The following CD46 variants were observed in gnomAD, a reference collection of about 807,000 sequenced individuals.
CD46 encodes membrane cofactor protein.
In CD46, 30 loss-of-function variants were observed where a neutral mutation model predicts 53.3. The ratio of observed to expected loss-of-function variants is 0.56; its 90% CI spans 0.42 to 0.76. The LOEUF is 0.76. Ranked by LOEUF, CD46 falls within the 30% of genes least tolerant of loss-of-function variation. CD46 has a pLI of 0.00. For synonymous variants in CD46, 142 were observed against 152.0 expected, an observed-to-expected ratio of 0.93 and a Z score of 0.48; for missense variants, 409 against 463.0, an observed-to-expected ratio of 0.88 and a Z score of 1.07.
intron 4 of CD46, chr1:207,760,021 C>G (rs746587276): frequency 1.9e-5 from 5 of 268,580 alleles, no homozygotes; most frequent in Non-Finnish European, 3.6e-5. Flanking sequence ...GCTGGGGCTT[C>G]AGGCATGTGC....
chr1:207,763,439 G>T (rs951092760), intron 5 of CD46, among the ~76,000 whole-genome samples: 1 of 152,206 alleles, frequency 6.6e-6, no homozygotes, highest in Admixed American at 6.5e-5. Context: ...GCTGGTCTCA[G>T]TGGGAGCTAG....
At chr1:207,783,695 C>T (rs1395539138) in intron 9 of CD46, 1 of 159,498 alleles carries the variant, frequency 6.3e-6, no homozygotes, top group Non-Finnish European at 1.4e-5. Flanking sequence ...GTGATATAGG[C>T]CAATGAAAAA....
chr1:207,752,729 G>A lies in CD46; in HGVS notation c.97+420G>A, dbSNP rs1655059319. 1.3e-5 allele frequency among the ~76,000 whole-genome samples: 2 copies of A among 152,174 alleles called. 1 individual carries two copies. The highest frequency in any genetic ancestry group is 4.1e-4 in the South Asian group (2 of 4,826). ...CTGTGTTCCCTTGGTGCCTTGGTGA[G>A]TGGGGTGTTCATTAGGGCTTGGACA... On this transcript the variant is annotated intron_variant, in intron 1 of 12. Coordinates refer to ENST00000367042, the MANE Select transcript of CD46 (RefSeq NM_172351.3). This position sits in a 1 kb window ranked among gnomAD's most constrained non-coding sequence, Gnocchi z 4.1.
intron 9 of CD46, among the ~76,000 whole-genome samples, chr1:207,784,211 G>A (rs1252289185): frequency 6.6e-6 from 1 of 152,102 alleles, no homozygotes. Context: ...ATAAAGTATT[G>A]TTTGTGAAGA....
At chr1:207,772,885 G>C (rs953105276) in intron 8 of CD46, among the ~76,000 whole-genome samples, 1 of 152,160 alleles carries the variant, frequency 6.6e-6, no homozygotes. Flanking sequence ...CCTCTACCAG[G>C]CTTTGGTATC....
rs201816656 is a variant in CD46 at position 207,793,336 on chromosome 1, G to GT, written c.*42-175dup. On this transcript the variant is annotated intron_variant, in intron 12 of 12. Coordinates refer to ENST00000367042, the MANE Select transcript of CD46 (RefSeq NM_172351.3). ...AAATATAAGACAGGGATAAAGGAAG[G>GT]TTTTTTTTACAGTGAGACCAGTTGA... is the stretch of plus-strand genomic sequence containing the variant. 1.0e-3 allele frequency among the ~76,000 whole-genome samples: 155 copies of GT among 151,988 alleles called. 4 individuals carry two copies. The East Asian group carries it at 0.027, about 27-fold the overall frequency.
chr1:207,755,475 C>T (rs544119495), intron 1 of CD46, among the ~76,000 whole-genome samples: 68 of 152,256 alleles, frequency 4.5e-4, no homozygotes, highest in Middle Eastern at 6.8e-3. Context: ...GGAGACCTGC[C>T]CTCTCAAAGG....
At chr1:207,770,722 G>A (rs1258507488) in intron 8 of CD46, among the ~76,000 whole-genome samples, 5 of 152,166 alleles carry the variant, frequency 3.3e-5, no homozygotes, top group Non-Finnish European at 5.9e-5. Context: ...TCCCTGCAAA[G>A]GACATGAACT....
intron 3 of CD46, 132 bp downstream of exon 3, chr1:207,757,774 T>A: frequency 2.9e-6 from 2 of 694,282 alleles, no homozygotes; most frequent in South Asian, 3.0e-5. Flanking sequence ...CAAACAACTC[T>A]TGGATGTTTT....
chr1:207,784,245 T>C (rs554354233), intron 9 of CD46, among the ~76,000 whole-genome samples: 71 of 152,236 alleles, frequency 4.7e-4, no homozygotes, highest in African/African-American at 1.6e-3. Context: ...ATCTGGGCAA[T>C]AGAATAATAG....
intron 11 of CD46, among the ~76,000 whole-genome samples, chr1:207,788,864 G>A (rs748607389): frequency 3.9e-5 from 6 of 152,206 alleles, no homozygotes; most frequent in Non-Finnish European, 7.3e-5. Context: ...TACATTACTT[G>A]ATAAAAAGTG....
chr1:207,759,818 C>G, intron 4 of CD46, 94 bp downstream of exon 4: 1 of 708,722 alleles, frequency 1.4e-6, no homozygotes, highest in South Asian at 1.6e-5. Flanking sequence ...AACAAAGATC[C>G]CAAAGAGGTT....
chr1:207,763,990 G>C (rs1188409375), intron 5 of CD46, among the ~76,000 whole-genome samples: 1 of 146,632 alleles, frequency 6.8e-6, no homozygotes, highest in East Asian at 2.0e-4. Context: ...GAACATTTGT[G>C]CCATGTCTTC....
chr1:207,752,820 C>G lies in CD46; in HGVS notation c.97+511C>G, dbSNP rs370528644. 8.5e-5 allele frequency among the ~76,000 whole-genome samples: 13 copies of G among 152,240 alleles called. No homozygotes were observed. Among genetic ancestry groups the G allele is most frequent in the African/African-American group, 2.9e-4 (12 of 41,532 alleles). ...TGTGCTGGGCTGGGCGAGCAGGGGC[C>G]TGGCCAGGTGTTGCTGGGAGCGTGC... On this transcript the variant is annotated intron_variant, in intron 1 of 12. Transcript: ENST00000367042. The surrounding 1 kb of genome is among the most constrained non-coding windows in gnomAD (Gnocchi z 4.1).
rs1050980390 is a variant in CD46, at chr1:207,795,154, C to T, written c.*1677C>T. 1 of 152,014 alleles carries T rather than the reference C, an allele frequency of 6.6e-6. No homozygotes were observed. The highest frequency in any genetic ancestry group is 2.4e-5 in the African/African-American group (1 of 41,388). The allele number at this position is 152,014 out of a possible 1,614,324, so 9.4% of individuals were successfully genotyped here. A position where few individuals can be genotyped will look rare whatever the true frequency, so the allele number is the denominator to read the frequency against. ...AGCAGATAATGGTGTTTTTTAGAAA[C>T]CTAATTGAAGTATATTCAACCAAAT... On this transcript the variant is annotated 3_prime_UTR_variant, in exon 13 of 13. Coordinates refer to ENST00000367042, the MANE Select transcript of CD46 (RefSeq NM_172351.3).
At position 207,767,795 on chromosome 1, in the gene CD46, T is replaced by C; in HGVS notation, c.873T>C (p.Thr291=). 1 of 1,612,952 alleles carries C rather than the reference T, an allele frequency of 6.2e-7. No individual in the cohort carries two copies. Among genetic ancestry groups the C allele is most frequent in the East Asian group, 2.2e-5 (1 of 44,840 alleles). The part of the protein sequence containing the change: ...PKCLKVSTSS[T]TKSPASSASG... Reference sequence around the variant, plus strand: ...GTTTTCCAGTGTCGACTTCTTCCACTACAAAATCTCCAGCGTCCAGTGCCT... The same window carrying C: ...GTTTTCCAGTGTCGACTTCTTCCACCACAAAATCTCCAGCGTCCAGTGCCT... Residue 291 remains threonine, a synonymous_variant, in exon 7 of 13, where the codon ACT becomes ACC. Coordinates refer to ENST00000367042, the MANE Select transcript of CD46 (RefSeq NM_172351.3).
At chr1:207,783,160 G>T in intron 8 of CD46, 132 bp from the exon 9 acceptor site, 2 of 522,844 alleles carry the variant, frequency 3.8e-6, no homozygotes, top group South Asian at 3.1e-5. Context: ...AGTTTATAAG[G>T]AAAATTATAT....
chr1:207,770,131 T>G (rs1348309121), intron 7 of CD46, 190 bp from the exon 8 acceptor site: 2 of 582,580 alleles, frequency 3.4e-6, no homozygotes, highest in Non-Finnish European at 6.2e-6. Context: ...GTGGTGAGCA[T>G]TCTTGTACAT....
chr1:207,786,400 C>G (rs976182477), intron 11 of CD46, among the ~76,000 whole-genome samples: 1 of 151,896 alleles, frequency 6.6e-6, no homozygotes, highest in Non-Finnish European at 1.5e-5. Flanking sequence ...GAAAAATGTA[C>G]AAGTACATAT....
Sources: gnomAD v4.1 joint callset for allele counts (sites outside exome capture counted in the v4.1 genomes callset) on GRCh38, gnomAD v4.1.1 for gene constraint, Gnocchi (gnomAD v3.1) non-coding constraint, MANE v1.5 for transcripts, NCBI Gene and HGNC (gene_info 2026-07-23, HGNC 2026-07-21) for gene names.